BTBD2: variants seen among roughly 807,000 people sequenced by gnomAD.
BTBD2 encodes BTB/POZ domain-containing protein 2.
BTBD2 carries 15 observed loss-of-function variants against 44.0 expected under a neutral mutation model. The ratio of observed to expected loss-of-function variants is 0.34; its 90% CI spans 0.23 to 0.53. The LOEUF (loss-of-function observed/expected upper bound fraction) is 0.53, where lower values mean the gene tolerates loss of function less well. Ranked by LOEUF, BTBD2 falls within the 20% of genes least tolerant of loss-of-function variation. The pLI, the probability that BTBD2 is intolerant of heterozygous loss-of-function variation, is 0.95. For synonymous variants in BTBD2, 443 were observed against 335.9 expected (o/e 1.32, Z -3.49); for missense variants, 657 against 746.4 (o/e 0.88, Z 1.39).
intron 1 of BTBD2, among the ~76,000 whole-genome samples, chr19:2,011,425 G>T (rs1309230700): frequency 6.6e-6 from 1 of 152,074 alleles, no homozygotes; most frequent in African/African-American, 2.4e-5. Flanking sequence ...TGGGCCACAG[G>T]GCCTCCCTCA....
rs143012250 is a variant in BTBD2, at chr19:1,989,208, T to C, written c.988+796A>G. 5.3e-5 allele frequency among the ~76,000 whole-genome samples: 8 copies of C among 152,176 alleles called. No homozygotes were observed. In the East Asian group the frequency reaches 1.4e-3, roughly 26 times the overall value. ...CAGTTCATGACCAGCCCAGGTGACA[T>C]AGCAAGACCCTGTCCCCACAAAAAA... On this transcript the variant is annotated intron_variant, in intron 5 of 8. Coordinates refer to ENST00000255608, the MANE Select transcript of BTBD2 (RefSeq NM_017797.4).
chr19:2,005,811 C>T (rs1272790457), intron 1 of BTBD2, among the ~76,000 whole-genome samples: 1 of 150,580 alleles, frequency 6.6e-6, no homozygotes, highest in Non-Finnish European at 1.5e-5. Context: ...ATTTTTTAGC[C>T]AAAGCAGTGG....
intron 4 of BTBD2, 101 bp downstream of exon 4, chr19:1,990,615 AC>A: frequency 9.1e-7 from 1 of 1,094,642 alleles, no homozygotes; most frequent in Non-Finnish European, 1.3e-6. Flanking sequence ...GCCCCAGCTC[AC>A]CTGTGCAACT....
At chr19:1,987,947 GCACT>G (rs763060732) in intron 5 of BTBD2, 43 of 509,740 alleles carry the variant, frequency 8.4e-5, no homozygotes, top group Middle Eastern at 1.1e-3. Context: ...TCTGACAGAT[GCACT>G]CACTCAGGGG....
intron 1 of BTBD2, among the ~76,000 whole-genome samples, chr19:1,998,656 G>A (rs1040216248): frequency 2.6e-5 from 4 of 152,112 alleles, no homozygotes; most frequent in Non-Finnish European, 5.9e-5. Flanking sequence ...TGTATGGGGT[G>A]GGGAGAACTC....
intron 1 of BTBD2, among the ~76,000 whole-genome samples, chr19:2,008,630 C>T (rs1319470891): frequency 2.2e-5 from 3 of 135,878 alleles, no homozygotes; most frequent in Non-Finnish European, 4.6e-5. Context: ...CTCACTCTAT[C>T]GCCCAGGATG....
chr19:1,990,835 A>G lies in BTBD2; in HGVS notation c.685-13T>C, dbSNP rs774025962. ...CGAAGAGTCGCGCCTGGCAAGAGAC[A>G]TCGACGGGGGGCGCGGTGGGGACAT... On this transcript the variant is annotated splice_polypyrimidine_tract_variant and intron_variant, in intron 3 of 8. Transcript: ENST00000255608. The G allele has an allele frequency of 6.5e-6, 10 of 1,548,450 alleles. No individual in the cohort carries two copies. Among genetic ancestry groups the G allele is most frequent in the African/African-American group, 2.7e-5 (2 of 73,134 alleles).
At position 1,985,456 on chromosome 19, in the gene BTBD2, A is replaced by G. The variant is rs1027789355; in HGVS notation, c.*1032T>C. 6.6e-6 allele frequency: 1 copy of G among 152,326 alleles called. No homozygotes were observed. The highest frequency in any genetic ancestry group is 1.5e-5 in the Non-Finnish European group (1 of 68,076). 9.4% of individuals were successfully genotyped at this position (152,326 alleles called of 1,614,324 possible). ...AGCAGTGTGCGCTCAAGGCAGGTGC[A>G]TTTGTTTCTTTATTTAAAAAAATCA... On this transcript the variant is annotated 3_prime_UTR_variant, in exon 9 of 9. Transcript: ENST00000255608.
intron 1 of BTBD2, among the ~76,000 whole-genome samples, chr19:2,013,050 G>A (rs982783600): frequency 1.8e-4 from 28 of 152,292 alleles, no homozygotes; most frequent in African/African-American, 6.0e-4. Flanking sequence ...CAGGGACGGC[G>A]ACACGGACGG....
rs36003432 is a variant in BTBD2, at chr19:2,008,303, C to CT, written c.407+6993dup. On this transcript the variant is annotated intron_variant, in intron 1 of 8. Coordinates refer to ENST00000255608, the MANE Select transcript of BTBD2 (RefSeq NM_017797.4). ...ACAGGGGTGAGCCACTGCGCCCACT[C>CT]TTTTTTTTTTTTTCTAGGTGGAGTC... Among the ~76,000 whole-genome samples the CT allele has an allele frequency of 6.0e-4, 84 of 141,036 alleles. 1 individual carries two copies. The highest frequency in any genetic ancestry group is 1.1e-3 in the Admixed American group (15 of 14,046). 92.5% of individuals were successfully genotyped at this position (141,036 alleles called of 152,430 possible).
chr19:1,995,768 C>G (rs1329931040), intron 2 of BTBD2, among the ~76,000 whole-genome samples: 1 of 151,838 alleles, frequency 6.6e-6, no homozygotes, highest in African/African-American at 2.4e-5. Context: ...TCCCAAGTAG[C>G]TGCGACTACG....
chr19:1,990,221 G>C lies in BTBD2; in HGVS notation c.791-20C>G. The C allele has an allele frequency of 1.9e-6, 3 of 1,575,256 alleles. No homozygotes were observed. Among genetic ancestry groups the C allele is most frequent in the Non-Finnish European group, 2.6e-6 (3 of 1,162,040 alleles). On this transcript the variant is annotated intron_variant, in intron 4 of 8. Coordinates refer to ENST00000255608, the MANE Select transcript of BTBD2 (RefSeq NM_017797.4). The stretch of plus-strand genomic sequence containing the variant: ...GCGTGTCTGTGGGGTGGAGGAAGGG[G>C]CTGCGTGAACACGACACCCACATGC...
Position 1,990,496 on chromosome 19 carries a change from C to T in BTBD2, c.790+221G>A, listed in dbSNP as rs550543705. ...ATGGACCATCGGAGGACGAGATGGT[C>T]ACCATCAGCTGGGATGGTGGGCTCT... On this transcript the variant is annotated intron_variant, in intron 4 of 8. Transcript: ENST00000255608. 6.3e-4 allele frequency: 384 copies of T among 611,786 alleles called. 1 individual carries two copies. The highest frequency in any genetic ancestry group is 3.0e-3 in the South Asian group (151 of 50,012). The allele number at this position is 611,786 out of a possible 1,614,324, so 37.9% of individuals were successfully genotyped here.
intron 1 of BTBD2, among the ~76,000 whole-genome samples, chr19:2,012,618 G>T (rs1403008871): frequency 6.6e-6 from 1 of 152,182 alleles, no homozygotes; most frequent in African/African-American, 2.4e-5. Context: ...CTGAGTGGGG[G>T]TCCACGCCCC....
intron 1 of BTBD2, chr19:2,013,784 G>A (rs538909771): frequency 6.4e-5 from 39 of 611,336 alleles, no homozygotes; most frequent in East Asian, 2.8e-4. Context: ...GGGGGTCTCC[G>A]GTGGGGGTCA....
intron 1 of BTBD2, among the ~76,000 whole-genome samples, chr19:1,999,445 C>T (rs572530954): frequency 8.5e-5 from 13 of 152,318 alleles, no homozygotes; most frequent in East Asian, 7.7e-4. Context: ...GCGGGAGGAT[C>T]GCTTGAGCCC....
chr19:1,993,486 GGC>G (rs1309827463), intron 2 of BTBD2, among the ~76,000 whole-genome samples: 1 of 152,138 alleles, frequency 6.6e-6, no homozygotes, highest in Non-Finnish European at 1.5e-5. Context: ...CCCAGGAGAG[GGC>G]ACTGGGAGCT....
intron 1 of BTBD2, among the ~76,000 whole-genome samples, chr19:2,001,194 G>C (rs1434392579): frequency 1.3e-5 from 2 of 151,848 alleles, no homozygotes; most frequent in African/African-American, 2.4e-5. Context: ...TGAGGCAGGA[G>C]AATCACTTAG....
chr19:2,003,980 G>C (rs1475630216), intron 1 of BTBD2, among the ~76,000 whole-genome samples: 1 of 151,624 alleles, frequency 6.6e-6, no homozygotes. Context: ...TGCAGACAAA[G>C]GACAGAGAGA....
Sources: allele counts gnomAD v4.1 joint callset (sites outside exome capture counted in the v4.1 genomes callset), GRCh38; gene constraint gnomAD v4.1.1; transcripts MANE v1.5; gene names NCBI Gene and HGNC (gene_info 2026-07-23, HGNC 2026-07-21).